Variants in EIF3H observed in about 807,000 individuals in gnomAD.
EIF3H encodes eIF-3-gamma.
A neutral mutation model predicts 44.2 loss-of-function variants in EIF3H; 26 were observed. That is an observed-to-expected ratio of 0.59 (90% confidence interval 0.43 to 0.82). EIF3H has a LOEUF of 0.82. EIF3H is among the 40% of genes least tolerant of loss of function. The pLI is 0.00. For synonymous variants in EIF3H, 166 were observed against 151.9 expected (o/e 1.09, Z -0.68); for missense variants, 359 against 432.8 (o/e 0.83, Z 1.51).
At chr8:116,691,957 T>C (rs1814183708) in intron 2 of EIF3H, among the ~76,000 whole-genome samples, 1 of 152,200 alleles carries the variant, frequency 6.6e-6, no homozygotes, top group Non-Finnish European at 1.5e-5. Context: ...TTACCTTTTA[T>C]GTTATTCCTC....
chr8:116,646,282 G>A (rs1415019199), intron 7 of EIF3H, among the ~76,000 whole-genome samples, 189 bp downstream of exon 7: 1 of 152,148 alleles, frequency 6.6e-6, no homozygotes, highest in Non-Finnish European at 1.5e-5. Context: ...GAAAGGACCT[G>A]GACAAAAGAA....
At chr8:116,698,382 T>A (rs1814306470) in intron 2 of EIF3H, among the ~76,000 whole-genome samples, 1 of 152,110 alleles carries the variant, frequency 6.6e-6, no homozygotes, top group South Asian at 2.1e-4. Flanking sequence ...AAATTACCCC[T>A]CTCCTCAGTA....
upstream of EIF3H, among the ~76,000 whole-genome samples, chr8:116,756,209 A>AT (rs1345297210): frequency 6.6e-6 from 1 of 152,334 alleles, no homozygotes; most frequent in Non-Finnish European, 1.5e-5. Flanking sequence ...TTTGTCCGAC[A>AT]TTATTCTGTT....
At position 116,718,624 on chromosome 8, in the gene EIF3H, T is replaced by A. The variant is rs183253348; in HGVS notation, c.289+7392A>T. Among the ~76,000 whole-genome samples, 8 of 150,902 alleles carry A rather than the reference T, an allele frequency of 5.3e-5. No individual in the cohort carries two copies. The East Asian group carries it at 1.6e-3, about 30-fold the overall frequency. ...TATTCTAAGTGAAGTAACTCGGGAA[T>A]GGAAAACCGAACATCATATGTTCTC... is the stretch of plus-strand genomic sequence containing the variant. On this transcript the variant is annotated intron_variant, in intron 2 of 7. Coordinates refer to ENST00000521861, the MANE Select transcript of EIF3H (RefSeq NM_003756.3).
intron 2 of EIF3H, chr8:116,689,089 C>T: frequency 2.2e-6 from 1 of 447,934 alleles, no homozygotes; most frequent in South Asian, 1.6e-5. Context: ...TGGAATACTA[C>T]TCAGCAATAA....
At chr8:116,766,310 C>A, upstream of EIF3H, 1 of 356,734 alleles carries the variant, frequency 2.8e-6, no homozygotes, top group Non-Finnish European at 5.1e-6. Flanking sequence ...TTACCGTGGC[C>A]CCAGACTGCG....
At chr8:116,748,429 A>C (rs929324803) in intron 1 of EIF3H, among the ~76,000 whole-genome samples, 2 of 152,248 alleles carry the variant, frequency 1.3e-5, no homozygotes, top group Non-Finnish European at 2.9e-5. Context: ...ACAAATAAAA[A>C]GATGGAGAAA....
At chr8:116,648,980 T>C (rs1473912297) in intron 5 of EIF3H, 54 bp from the exon 6 acceptor site, 21 of 1,532,846 alleles carry the variant, frequency 1.4e-5, no homozygotes, top group Non-Finnish European at 1.9e-5. Flanking sequence ...ATAGCTTTGC[T>C]ACTGCTCTAA....
At chr8:116,765,913 C>T (rs1483315789) in exon 1 of EIF3H, 1 of 152,216 alleles carries the variant, frequency 6.6e-6, no homozygotes, top group Admixed American at 6.5e-5. Flanking sequence ...AAAATGGTGG[C>T]ACCCTTTGCC....
intron 2 of EIF3H, among the ~76,000 whole-genome samples, chr8:116,662,553 C>T (rs1414238648): frequency 1.3e-5 from 2 of 152,186 alleles, no homozygotes; most frequent in Admixed American, 1.3e-4. Flanking sequence ...ACATGAACTG[C>T]GTTATCTCTG....
chr8:116,689,161 G>GA (rs1814130558), intron 2 of EIF3H: 3 of 428,818 alleles, frequency 7.0e-6, no homozygotes, highest in South Asian at 5.0e-5. Flanking sequence ...TCATTTTAGT[G>GA]AAATAAGTCA....
intron 2 of EIF3H, among the ~76,000 whole-genome samples, chr8:116,666,127 AAAG>A (rs1361692631): frequency 2.0e-5 from 3 of 152,288 alleles, no homozygotes; most frequent in African/African-American, 7.2e-5. Context: ...TTGTATTGTA[AAAG>A]AAGTAACAAA....
intron 5 of EIF3H, among the ~76,000 whole-genome samples, chr8:116,654,109 A>G (rs1302449721): frequency 6.6e-6 from 1 of 152,250 alleles, no homozygotes; most frequent in East Asian, 1.9e-4. Flanking sequence ...AGTGTCTACT[A>G]GCAAAAAAGC....
chr8:116,763,001 T>C (rs1815533573), intron 1 of EIF3H, among the ~76,000 whole-genome samples: 1 of 152,182 alleles, frequency 6.6e-6, no homozygotes, highest in Non-Finnish European at 1.5e-5. Flanking sequence ...CTGGGCACAT[T>C]ACACTCCAGA....
intron 2 of EIF3H, among the ~76,000 whole-genome samples, chr8:116,675,134 A>G (rs527790055): frequency 6.6e-6 from 1 of 151,864 alleles, no homozygotes; most frequent in East Asian, 2.0e-4. Context: ...TAAATCACAT[A>G]TGTCCTGATG....
intron 1 of EIF3H, among the ~76,000 whole-genome samples, chr8:116,763,565 G>C (rs1815540334): frequency 6.6e-6 from 1 of 152,152 alleles, no homozygotes. Context: ...GGCATTCCAT[G>C]ATGGAGCCTA....
At chr8:116,740,383 T>C (rs1253409854) in intron 1 of EIF3H, among the ~76,000 whole-genome samples, 1 of 152,066 alleles carries the variant, frequency 6.6e-6, no homozygotes, top group Non-Finnish European at 1.5e-5. Flanking sequence ...TAGTTTTCTC[T>C]GCCACTCCTT....
At chr8:116,708,078 A>G (rs1814500878) in intron 2 of EIF3H, among the ~76,000 whole-genome samples, 1 of 152,104 alleles carries the variant, frequency 6.6e-6, no homozygotes, top group African/African-American at 2.4e-5. Flanking sequence ...CCTTTTTAAA[A>G]TACTTTTCTC....
chr8:116,673,619 C>T (rs558346676), intron 2 of EIF3H, among the ~76,000 whole-genome samples: 2 of 152,216 alleles, frequency 1.3e-5, no homozygotes, highest in Admixed American at 1.3e-4. Flanking sequence ...ATAGAAATGG[C>T]TTTATTGGCA....
Sources: gnomAD v4.1 joint callset for allele counts (sites outside exome capture counted in the v4.1 genomes callset) on GRCh38, gnomAD v4.1.1 for gene constraint, MANE v1.5 for transcripts, NCBI Gene and HGNC (gene_info 2026-07-23, HGNC 2026-07-21) for gene names.